The following PRELID2 variants were observed in gnomAD, a reference collection of about 807,000 sequenced individuals.
PRELID2 encodes the protein PRELI domain-containing protein 2.
In PRELID2, 25 loss-of-function variants were observed where a neutral mutation model predicts 28.4. The observed-to-expected ratio is 0.88, with a 90% confidence interval of 0.64 to 1.23. PRELID2 has a LOEUF of 1.23. Ranked by LOEUF, PRELID2 falls within the 50% of genes most tolerant of loss-of-function variation. PRELID2 has a pLI of 0.00. For missense variants in PRELID2, 201 were observed against 214.4 expected, an observed-to-expected ratio of 0.94 and a Z score of 0.39; for synonymous variants, 76 against 71.6, an observed-to-expected ratio of 1.06 and a Z score of -0.31.
At chr5:145,416,431 C>G in the PRELID2 span, among the ~76,000 whole-genome samples, 1 of 151,940 alleles carries the variant, frequency 6.6e-6, no homozygotes, top group Non-Finnish European at 1.5e-5. Flanking sequence ...TCTAATTAAA[C>G]TAAAGAGCTT....
the PRELID2 span, among the ~76,000 whole-genome samples, chr5:145,252,989 A>G: frequency 6.6e-6 from 1 of 152,170 alleles, no homozygotes; most frequent in East Asian, 1.9e-4. Flanking sequence ...CAATCATTGA[A>G]GGAAGCATCT....
In PRELID2 at chr5:145,796,372, T is replaced by C. The variant is rs768675728; in HGVS notation, c.474+70A>G. 5.3e-6 allele frequency: 5 copies of C among 949,690 alleles called. No individual in the cohort carries two copies. The Admixed American group carries it at 8.2e-5, about 16-fold the overall frequency. 58.8% of individuals were successfully genotyped at this position (949,690 alleles called of 1,614,324 possible). ...TCATTATGTCTGCTCATGAGTCTTA[T>C]TCAATAACCCTATTGGAACTCCTAT... On this transcript the variant is annotated intron_variant, in intron 5 of 6. Coordinates refer to ENST00000683046, the MANE Select transcript of PRELID2 (RefSeq NM_205846.3).
At chr5:145,748,343 G>A (rs746510194) in intron 1 of PRELID2, among the ~76,000 whole-genome samples, 1 of 152,118 alleles carries the variant, frequency 6.6e-6, no homozygotes, top group Non-Finnish European at 1.5e-5. Flanking sequence ...AATAGACAGA[G>A]AGCCAAATCA....
the PRELID2 span, among the ~76,000 whole-genome samples, chr5:145,288,051 G>T: frequency 1.3e-5 from 2 of 152,230 alleles, no homozygotes; most frequent in African/African-American, 4.8e-5. Context: ...ATCATATCCA[G>T]AGTATATGCT....
At chr5:145,577,150 C>G (rs1310573150) in intron 1 of PRELID2, among the ~76,000 whole-genome samples, 12 of 152,100 alleles carry the variant, frequency 7.9e-5, no homozygotes, top group Non-Finnish European at 1.5e-5. Context: ...GGAATAAATA[C>G]CTACTTCTTT....
chr5:145,364,690 T>C, the PRELID2 span, among the ~76,000 whole-genome samples: 2 of 151,912 alleles, frequency 1.3e-5, no homozygotes, highest in African/African-American at 4.8e-5. Flanking sequence ...ACTTAAGCAT[T>C]TCAGGTATTT....
At chr5:145,308,808 C>T in the PRELID2 span, among the ~76,000 whole-genome samples, 1 of 152,180 alleles carries the variant, frequency 6.6e-6, no homozygotes, top group African/African-American at 2.4e-5. Context: ...CTGAAAGGCA[C>T]TTGTTATTTT....
chr5:145,665,985 T>TAA (rs1561537630), intron 1 of PRELID2, among the ~76,000 whole-genome samples: 53 of 141,606 alleles, frequency 3.7e-4, no homozygotes, highest in African/African-American at 1.5e-3. Context: ...TGTCTTTTTT[T>TAA]TAAAAAAAAA....
chr5:145,620,720 T>A (rs1430763534), intron 1 of PRELID2, among the ~76,000 whole-genome samples: 2 of 149,164 alleles, frequency 1.3e-5, no homozygotes, highest in Non-Finnish European at 1.5e-5. Flanking sequence ...ACACCTGTAG[T>A]CCCAGCTACG....
chr5:145,810,602 T>C (rs1330815250), intron 4 of PRELID2, among the ~76,000 whole-genome samples: 1 of 152,170 alleles, frequency 6.6e-6, no homozygotes, highest in Admixed American at 6.5e-5. Flanking sequence ...CAGTAAATCA[T>C]TACAAACACT....
At position 145,501,895 on chromosome 5, in the gene PRELID2, C is replaced by T. The variant is rs1231871613; in HGVS notation, n.71-28580G>A. ...GTGGTTCACCTCCAGAGTGATGCTA[C>T]TTTGGAAAAATATTCCTTTTGTCCT... On this transcript the variant is annotated intron_variant and non_coding_transcript_variant, in intron 1 of 2. Transcript: ENST00000510259. Among the ~76,000 whole-genome samples, 3 of 152,132 alleles carry T rather than the reference C, an allele frequency of 2.0e-5. No individual in the cohort carries two copies. The East Asian group carries it at 5.8e-4, about 29-fold the overall frequency.
At chr5:145,589,618 C>T (rs1229322960) in intron 1 of PRELID2, among the ~76,000 whole-genome samples, 4 of 151,848 alleles carry the variant, frequency 2.6e-5, no homozygotes, top group Non-Finnish European at 5.9e-5. Flanking sequence ...CCATTTATGT[C>T]TTTTGTTATT....
At chr5:145,265,709 G>A in the PRELID2 span, among the ~76,000 whole-genome samples, 4 of 152,092 alleles carry the variant, frequency 2.6e-5, no homozygotes, top group Non-Finnish European at 5.9e-5. Flanking sequence ...ATAAAGTGGT[G>A]AAAAGACACC....
At chr5:145,478,765 C>T (rs1407960436) in intron 1 of PRELID2, among the ~76,000 whole-genome samples, 1 of 152,014 alleles carries the variant, frequency 6.6e-6, no homozygotes, top group Non-Finnish European at 1.5e-5. Flanking sequence ...ATTTGTAGCT[C>T]ATGTTAGGTT....
chr5:145,395,606 G>A, the PRELID2 span, among the ~76,000 whole-genome samples: 46,981 of 152,068 alleles, frequency 0.31, 7,771 homozygotes, highest in East Asian at 0.7. Context: ...GCGTGGTATT[G>A]AGTAAAAGAT....
At chr5:145,362,087 A>G in the PRELID2 span, among the ~76,000 whole-genome samples, 1 of 152,170 alleles carries the variant, frequency 6.6e-6, no homozygotes, top group Non-Finnish European at 1.5e-5. Context: ...GTCCATGTCT[A>G]TCTCATTCAT....
the PRELID2 span, among the ~76,000 whole-genome samples, chr5:145,391,826 A>G: frequency 6.6e-6 from 1 of 151,970 alleles, no homozygotes; most frequent in Non-Finnish European, 1.5e-5. Context: ...AGTTCCACAG[A>G]TCTCTAGGGC....
chr5:145,357,654 A>G, the PRELID2 span, among the ~76,000 whole-genome samples: 1 of 152,076 alleles, frequency 6.6e-6, no homozygotes, highest in Non-Finnish European at 1.5e-5. Context: ...TTGTTTCACC[A>G]TATTTCTTAG....
At chr5:145,458,815 GTTTCT>G in the PRELID2 span, among the ~76,000 whole-genome samples, 424 of 152,128 alleles carry the variant, frequency 2.8e-3, 4 homozygotes, top group African/African-American at 9.5e-3. Flanking sequence ...ATGGGCATTT[GTTTCT>G]TTTATTATCT....
Sources: gnomAD v4.1 joint callset for allele counts (sites outside exome capture counted in the v4.1 genomes callset) on GRCh38, gnomAD v4.1.1 for gene constraint, MANE v1.5 for transcripts, NCBI Gene and HGNC (gene_info 2026-07-23, HGNC 2026-07-21) for gene names.